The following TFRC variants were observed in gnomAD, a reference collection of about 807,000 sequenced individuals.
TFRC encodes the protein transferrin receptor protein 1.
TFRC carries 35 observed loss-of-function variants against 85.8 expected under a neutral mutation model. That is an observed-to-expected ratio of 0.41 (90% CI 0.31 to 0.54). The LOEUF (loss-of-function observed/expected upper bound fraction) is 0.54. Among genes scored for constraint, TFRC ranks in the 20% least tolerant of loss-of-function variants. The probability of loss-of-function intolerance (pLI) is 0.31; values close to 1 mark genes in which losing one functional copy is unlikely to be tolerated. For missense variants in TFRC, 828 were observed against 921.5 expected (o/e 0.90, Z 1.31); for synonymous variants, 362 against 328.6 (o/e 1.10, Z -1.10).
rs370641169 is a variant in TFRC at position 196,052,114 on chromosome 3, G to C, written c.2111C>G (p.Ser704Cys). Residue 704 changes from serine to cysteine, a missense_variant, in exon 19 of 19, where the codon TCC becomes TGC. Transcript: ENST00000360110. ...ESPFRHVFWG[S>C]GSHTLPALLE... Reference sequence around the variant, plus strand: ...TAAAGCTGGCAGCGTGTGAGAGCCGGAGCCCCAGAAGACATGTCGGAAAGG... The same window carrying C: ...TAAAGCTGGCAGCGTGTGAGAGCCGCAGCCCCAGAAGACATGTCGGAAAGG... The C allele has an allele frequency of 4.5e-5, 73 of 1,614,064 alleles. No individual in the cohort carries two copies. The highest frequency in any genetic ancestry group is 6.2e-5 in the Non-Finnish European group (73 of 1,180,020).
chr3:196,058,184 T>A, intron 16 of TFRC, 100 bp downstream of exon 16: 4 of 915,700 alleles, frequency 4.4e-6, no homozygotes, highest in Non-Finnish European at 7.0e-6. Flanking sequence ...CATAGTTGAC[T>A]ATAGCACAGG....
At chr3:196,052,324 G>A (rs1184571273) in intron 18 of TFRC, 140 bp from the exon 19 acceptor site, 28 of 940,800 alleles carry the variant, frequency 3.0e-5, no homozygotes, top group Non-Finnish European at 3.8e-5. Context: ...TTGACACAGA[G>A]TTTCGCTCTT....
intron 15 of TFRC, 55 bp from the exon 16 acceptor site, chr3:196,058,420 A>G (rs753153493): frequency 5.4e-5 from 83 of 1,548,568 alleles, no homozygotes; most frequent in Non-Finnish European, 7.2e-5. Flanking sequence ...AGACTGTTCT[A>G]TCGTGCTAGT....
chr3:196,061,638 C>T (rs558201716), intron 13 of TFRC, among the ~76,000 whole-genome samples: 32 of 152,230 alleles, frequency 2.1e-4, no homozygotes, highest in Non-Finnish European at 4.1e-4. Context: ...TACAGGTACT[C>T]GCCACCACAC....
At chr3:196,076,909 T>C (rs1038641002) in intron 2 of TFRC, among the ~76,000 whole-genome samples, 155 bp downstream of exon 2, 3 of 152,236 alleles carry the variant, frequency 2.0e-5, no homozygotes, top group Admixed American at 2.0e-4. Flanking sequence ...GGCTGAACTC[T>C]TTGTGAGATC....
chr3:196,060,266 A>G lies in TFRC; in HGVS notation c.1469-19T>C, dbSNP rs1031845644. On this transcript the variant is annotated intron_variant, in intron 13 of 18. Transcript: ENST00000360110. ...CTGGTACCTGAAAATAAATTGTTTTATCATTGCCCCTTCTCCATTCCGATA... is the reference window on the plus strand; with the variant it reads ...CTGGTACCTGAAAATAAATTGTTTTGTCATTGCCCCTTCTCCATTCCGATA... 6.2e-7 allele frequency: 1 copy of G among 1,609,214 alleles called. No homozygotes were observed. The highest frequency in any genetic ancestry group is 8.5e-7 in the Non-Finnish European group (1 of 1,176,026).
intron 1 of TFRC, among the ~76,000 whole-genome samples, chr3:196,080,882 G>C (rs1344029941): frequency 3.3e-5 from 5 of 152,174 alleles, no homozygotes; most frequent in African/African-American, 1.2e-4. Context: ...ACTCTAGACA[G>C]CCTAACCTTA....
At chr3:196,070,063 A>C (rs1718058553) in intron 6 of TFRC, among the ~76,000 whole-genome samples, 1 of 152,182 alleles carries the variant, frequency 6.6e-6, no homozygotes, top group Non-Finnish European at 1.5e-5. Flanking sequence ...CTAACAACCA[A>C]GCCCTCAATA....
chr3:196,067,547 G>A lies in TFRC; in HGVS notation c.1011C>T (p.Ile337=). The A allele has an allele frequency of 6.2e-7, 1 of 1,613,976 alleles. No homozygotes were observed. Among genetic ancestry groups the A allele is most frequent in the Non-Finnish European group, 8.5e-7 (1 of 1,179,922 alleles). ...ACAGCTTTTCTGCAGCAGCTCTGGA[G>A]ATTGTCTGGACAGGTATATTAGGCA... ...SGLPNIPVQT[I]SRAAAEKLFG... is the part of the protein sequence containing the mutation. Residue 337 remains isoleucine (I), a synonymous_variant, in exon 9 of 19, where the codon ATC becomes ATT. Coordinates refer to ENST00000360110, the MANE Select transcript of TFRC (RefSeq NM_001128148.3).
chr3:196,075,961 C>G (rs538745972), intron 2 of TFRC, among the ~76,000 whole-genome samples: 13 of 145,092 alleles, frequency 9.0e-5, no homozygotes, highest in Non-Finnish European at 1.7e-4. Flanking sequence ...AATCCCCTCT[C>G]ACTAAAAATT....
intron 11 of TFRC, 174 bp from the exon 12 acceptor site, chr3:196,063,113 C>A: frequency 3.6e-6 from 2 of 553,236 alleles, no homozygotes; most frequent in Non-Finnish European, 3.2e-6. Flanking sequence ...TTTTGAGACC[C>A]CAGGTAAAAG....
intron 4 of TFRC, among the ~76,000 whole-genome samples, chr3:196,073,113 A>G (rs1577248645): frequency 6.6e-6 from 1 of 151,142 alleles, no homozygotes; most frequent in African/African-American, 2.4e-5. Context: ...TCAGCTACTC[A>G]GGAGACTGAG....
In TFRC at chr3:196,058,334, G is replaced by A. The variant is rs758789185; in HGVS notation, c.1627C>T (p.Pro543Ser). 1.2e-6 allele frequency: 2 copies of A among 1,613,996 alleles called. No individual in the cohort carries two copies. Among genetic ancestry groups the A allele is most frequent in the East Asian group, 2.2e-5 (1 of 44,862 alleles). The change falls in exon 16 of 19, where the codon CCT (proline) becomes TCT (serine). Residue 543 changes from proline to serine, a missense_variant. Physicochemically the swap from Pro to Ser is moderately conservative, Grantham distance 74. Transcript: ENST00000360110. ...GGGATTCCAGAATATGCAAGGAAAGGGAAAGCAGCATTGTCTAAAGTGAGT... is the reference window on the plus strand; with the variant it reads ...GGGATTCCAGAATATGCAAGGAAAGAGAAAGCAGCATTGTCTAAAGTGAGT... ...EKLTLDNAAF[P>S]FLAYSGIPAV... is the part of the protein sequence containing the mutation.
At chr3:196,064,804 C>A (rs961344986) in intron 10 of TFRC, among the ~76,000 whole-genome samples, 3 of 152,238 alleles carry the variant, frequency 2.0e-5, no homozygotes, top group African/African-American at 7.2e-5. Flanking sequence ...CAGAGTTGAA[C>A]AGCTAAAAGA....
intron 1 of TFRC, 32 bp from the exon 2 acceptor site, chr3:196,077,154 G>T (rs1418754674): frequency 2.2e-5 from 33 of 1,500,264 alleles, no homozygotes; most frequent in Middle Eastern, 1.7e-4. Flanking sequence ...TATTGAGAAA[G>T]ATACTACTGT....
intron 17 of TFRC, 93 bp from the exon 18 acceptor site, chr3:196,053,651 G>A (rs946799562): frequency 6.6e-7 from 1 of 1,511,026 alleles, no homozygotes; most frequent in Non-Finnish European, 9.1e-7. Context: ...GTAAGATTCT[G>A]ATAAAAGGAA....
intron 1 of TFRC, among the ~76,000 whole-genome samples, chr3:196,081,399 C>T (rs1196037463): frequency 6.6e-6 from 1 of 152,248 alleles, no homozygotes; most frequent in African/African-American, 2.4e-5. Context: ...CTAATTAATG[C>T]CTGTAACACG....
intron 7 of TFRC, among the ~76,000 whole-genome samples, chr3:196,068,927 CAAAAAAA>C (rs55642820): frequency 3.5e-5 from 3 of 85,278 alleles, no homozygotes; most frequent in Admixed American, 1.3e-4. Context: ...GACTCCGTCT[CAAAAAAA>C]AAAAAAAAAA....
chr3:196,057,695 T>A (rs1255056988), intron 16 of TFRC, among the ~76,000 whole-genome samples: 1 of 148,070 alleles, frequency 6.8e-6, no homozygotes, highest in East Asian at 2.0e-4. Flanking sequence ...GTTTGGAGGC[T>A]GAAGGGGGAG....
Sources: gnomAD v4.1 joint callset for allele counts (sites outside exome capture counted in the v4.1 genomes callset) on GRCh38, gnomAD v4.1.1 for gene constraint, MANE v1.5 for transcripts, NCBI Gene and HGNC (gene_info 2026-07-23, HGNC 2026-07-21) for gene names.